The following ATRNL1 variants were observed in gnomAD, a reference collection of about 807,000 sequenced individuals.
ATRNL1 encodes attractin-like protein 1.
ATRNL1 carries 95 observed loss-of-function variants against 182.7 expected under a neutral mutation model. The observed-to-expected ratio is 0.52, with a 90% CI of 0.44 to 0.62. ATRNL1 has a LOEUF of 0.62. Ranked by LOEUF, ATRNL1 falls within the 20% of genes least tolerant of loss-of-function variation. ATRNL1 has a pLI of 0.00. For synonymous variants in ATRNL1, 576 were observed against 568.3 expected (o/e 1.01, Z -0.19); for missense variants, 1,471 against 1,679.5 (o/e 0.88, Z 2.17).
At chr10:115,346,491 C>T (rs1277006818) in intron 19 of ATRNL1, among the ~76,000 whole-genome samples, 1 of 152,162 alleles carries the variant, frequency 6.6e-6, no homozygotes, top group Non-Finnish European at 1.5e-5. Flanking sequence ...AGTACATTCA[C>T]AATGTTGTAC....
chr10:115,742,979 G>A (rs1948181466), intron 27 of ATRNL1, among the ~76,000 whole-genome samples: 1 of 152,120 alleles, frequency 6.6e-6, no homozygotes, highest in African/African-American at 2.4e-5. Context: ...GGAAGGGGAA[G>A]CAAATATGTC....
chr10:115,628,111 C>T (rs1555025212), intron 26 of ATRNL1, among the ~76,000 whole-genome samples: 4 of 148,444 alleles, frequency 2.7e-5, no homozygotes, highest in African/African-American at 1.0e-4. Context: ...CGCACCACTG[C>T]ACTCCAGCCT....
At chr10:115,226,945 GA>G (rs1284280716) in intron 9 of ATRNL1, among the ~76,000 whole-genome samples, 9 of 152,024 alleles carry the variant, frequency 5.9e-5, no homozygotes, top group African/African-American at 1.9e-4. Context: ...ATCAAAGATT[GA>G]AATGTAAAAC....
intron 5 of ATRNL1, among the ~76,000 whole-genome samples, chr10:115,156,842 A>G (rs1846542603): frequency 1.3e-5 from 2 of 152,126 alleles, no homozygotes; most frequent in South Asian, 2.1e-4. Flanking sequence ...TTATGGATAT[A>G]TTTTTATAAA....
chr10:115,300,696 C>A (rs1025084343), intron 16 of ATRNL1, among the ~76,000 whole-genome samples: 3 of 152,020 alleles, frequency 2.0e-5, no homozygotes, highest in Non-Finnish European at 1.5e-5. Context: ...GAATTCTTTT[C>A]TTTTAAATCT....
At chr10:115,162,605 G>A (rs1330938548) in intron 6 of ATRNL1, among the ~76,000 whole-genome samples, 1 of 151,096 alleles carries the variant, frequency 6.6e-6, no homozygotes, top group Non-Finnish European at 1.5e-5. Flanking sequence ...TGTTACCATG[G>A]CGGTTTATTG....
chr10:115,110,426 C>T (rs868993050), intron 1 of ATRNL1, among the ~76,000 whole-genome samples: 11 of 152,068 alleles, frequency 7.2e-5, no homozygotes, highest in African/African-American at 1.2e-4. Context: ...GTGCTGAGAG[C>T]GAGCAACCCC....
chr10:115,435,094 A>G (rs1252820531), intron 21 of ATRNL1, among the ~76,000 whole-genome samples: 2 of 142,864 alleles, frequency 1.4e-5, no homozygotes, highest in Non-Finnish European at 3.0e-5. Context: ...GTGGTGGCCC[A>G]ATCTGCAAGC....
Position 115,946,594 on chromosome 10 carries a change from C to T in ATRNL1, c.*1815C>T, listed in dbSNP as rs554541418. ...TAATTTTAGTAATTTTATCTATAAT[C>T]TGTGGGGTTTTTTTGGAGGGGGAGG... On this transcript the variant is annotated 3_prime_UTR_variant, in exon 29 of 29. Coordinates refer to ENST00000355044, the MANE Select transcript of ATRNL1 (RefSeq NM_207303.4). 1.2e-3 allele frequency: 190 copies of T among 152,176 alleles called. No individual in the cohort carries two copies. The highest frequency in any genetic ancestry group is 4.4e-3 in the African/African-American group (184 of 41,520). The allele number at this position is 152,176 out of a possible 1,614,324, so 9.4% of individuals were successfully genotyped here.
intron 27 of ATRNL1, among the ~76,000 whole-genome samples, chr10:115,825,576 C>G (rs1404320434): frequency 6.6e-6 from 1 of 152,130 alleles, no homozygotes; most frequent in Non-Finnish European, 1.5e-5. Flanking sequence ...GTTACAAATC[C>G]TTTGCCTACA....
chr10:115,096,729 A>G lies in ATRNL1; in HGVS notation c.293+2686A>G, dbSNP rs868924276. On this transcript the variant is annotated intron_variant, in intron 1 of 28. Coordinates refer to ENST00000355044, the MANE Select transcript of ATRNL1 (RefSeq NM_207303.4). Reference sequence around the variant, plus strand: ...GTTGGGGGAAGAAATGCAGAAGCAAATATAGTATCAAAAGTGGTACTTCAG... The same window carrying G: ...GTTGGGGGAAGAAATGCAGAAGCAAGTATAGTATCAAAAGTGGTACTTCAG... 29 of 1,286,514 alleles carry G rather than the reference A, an allele frequency of 2.3e-5. 1 individual carries two copies. In the Middle Eastern group the frequency reaches 5.1e-3, roughly 228 times the overall value. 79.7% of individuals were successfully genotyped at this position (1,286,514 alleles called of 1,614,324 possible). A position where few individuals can be genotyped will look rare whatever the true frequency, so the allele number is the denominator to read the frequency against.
chr10:115,268,480 A>G (rs782376275), intron 13 of ATRNL1, 36 bp downstream of exon 13: 2 of 1,355,758 alleles, frequency 1.5e-6, no homozygotes, highest in South Asian at 2.3e-5. Context: ...TGTAGTTACA[A>G]CAGACTGCTG....
intron 24 of ATRNL1, among the ~76,000 whole-genome samples, chr10:115,505,155 G>A (rs1232913990): frequency 6.6e-6 from 1 of 152,046 alleles, no homozygotes; most frequent in Admixed American, 6.6e-5. Flanking sequence ...TCATAGAATT[G>A]TATAAGGAGA....
chr10:115,848,013 C>T, intron 28 of ATRNL1, 22 bp downstream of exon 28: 1 of 1,389,654 alleles, frequency 7.2e-7, no homozygotes, highest in Non-Finnish European at 1.0e-6. Context: ...GAGGAGCCTT[C>T]AGCAGTTAAG....
intron 26 of ATRNL1, among the ~76,000 whole-genome samples, chr10:115,621,388 T>C (rs1857762892): frequency 6.6e-6 from 1 of 151,352 alleles, no homozygotes; most frequent in Non-Finnish European, 1.5e-5. Flanking sequence ...CACTGCAGCC[T>C]TGACCTCCTG....
intron 28 of ATRNL1, among the ~76,000 whole-genome samples, chr10:115,917,067 A>G (rs1555117456): frequency 6.6e-6 from 1 of 152,226 alleles, no homozygotes; most frequent in East Asian, 1.9e-4. Context: ...ATGTGGCGAC[A>G]CTGCCAATGC....
At chr10:115,813,683 G>A (rs972734440) in intron 27 of ATRNL1, among the ~76,000 whole-genome samples, 8 of 152,032 alleles carry the variant, frequency 5.3e-5, no homozygotes, top group African/African-American at 1.4e-4. Context: ...AAAACATCAC[G>A]TTAGTGGCAA....
chr10:115,365,470 A>T (rs1335510142), intron 19 of ATRNL1, among the ~76,000 whole-genome samples: 4 of 151,996 alleles, frequency 2.6e-5, no homozygotes, highest in African/African-American at 9.7e-5. Context: ...TCAAAAAACC[A>T]GCTCCTGGAT....
chr10:115,346,287 A>G (rs1157659140), intron 19 of ATRNL1, among the ~76,000 whole-genome samples: 2 of 152,136 alleles, frequency 1.3e-5, no homozygotes, highest in African/African-American at 4.8e-5. Flanking sequence ...CCAGACCCTA[A>G]GAACTGCCAT....
Sources: allele counts gnomAD v4.1 joint callset (sites outside exome capture counted in the v4.1 genomes callset), GRCh38; gene constraint gnomAD v4.1.1; transcripts MANE v1.5; gene names NCBI Gene and HGNC (gene_info 2026-07-23, HGNC 2026-07-21).